The following PPM1H variants were observed in gnomAD, a reference collection of about 807,000 sequenced individuals.
The protein encoded by PPM1H is protein phosphatase 1H.
Under a neutral mutation model 54.9 loss-of-function variants are expected in PPM1H, and 27 were observed. The ratio of observed to expected loss-of-function variants is 0.49; its 90% CI spans 0.36 to 0.68. The LOEUF (loss-of-function observed/expected upper bound fraction) is 0.68. Among genes scored for constraint, PPM1H ranks in the 30% least tolerant of loss-of-function variants. The pLI is 0.00. For synonymous variants in PPM1H, 305 were observed against 270.8 expected (o/e 1.13, Z -1.24); for missense variants, 596 against 667.8 (o/e 0.89, Z 1.19).
chr12:62,876,330 C>A (rs1870167881), intron 1 of PPM1H, among the ~76,000 whole-genome samples: 1 of 152,184 alleles, frequency 6.6e-6, no homozygotes, highest in Non-Finnish European at 1.5e-5. Flanking sequence ...TCACCCAGAG[C>A]TCTAGCAAAC....
chr12:62,876,724 G>T (rs185554257), intron 1 of PPM1H, among the ~76,000 whole-genome samples: 3 of 152,256 alleles, frequency 2.0e-5, no homozygotes, highest in Non-Finnish European at 4.4e-5. Context: ...ATCATTTGAG[G>T]CTTCCAATGG....
rs114437891 is a variant in PPM1H at position 62,864,940 on chromosome 12, G to A, written c.246-32661C>T. Among the ~76,000 whole-genome samples, 984 of 152,268 alleles carry A rather than the reference G, an allele frequency of 6.5e-3. 11 individuals are homozygous for A. Among genetic ancestry groups the A allele is most frequent in the African/African-American group, 0.023 (943 of 41,546 alleles). Reference sequence around the variant, plus strand: ...ATTTTAGGATTATTACTTTTTAAAGGTGAAGCTTTAAGATGATAATTTGAG... The same window carrying A: ...ATTTTAGGATTATTACTTTTTAAAGATGAAGCTTTAAGATGATAATTTGAG... On this transcript the variant is annotated intron_variant, in intron 1 of 9. Coordinates refer to ENST00000228705, the MANE Select transcript of PPM1H (RefSeq NM_020700.2).
At chr12:62,871,759 G>A (rs7312508) in intron 1 of PPM1H, among the ~76,000 whole-genome samples, 3 of 151,814 alleles carry the variant, frequency 2.0e-5, no homozygotes, top group Non-Finnish European at 2.9e-5. Flanking sequence ...CAAGCAATCC[G>A]CCCTCCTTGG....
At chr12:62,657,034 C>T (rs1025250833) in intron 9 of PPM1H, among the ~76,000 whole-genome samples, 1 of 152,128 alleles carries the variant, frequency 6.6e-6, no homozygotes, top group East Asian at 1.9e-4. Context: ...GCTTCTGTCC[C>T]CTGTCAGGTT....
chr12:62,804,917 C>T lies in PPM1H; in HGVS notation c.412-2757G>A, dbSNP rs185670234. Among the ~76,000 whole-genome samples the T allele has an allele frequency of 6.5e-3, 987 of 151,970 alleles. 13 individuals carry two copies. The highest frequency in any genetic ancestry group is 0.023 in the African/African-American group (935 of 41,470). ...GTCTCGATCTCCTGACCTCGTGATC[C>T]GCCCGCCTCGGCCTCCCAAAGTGCT... On this transcript the variant is annotated intron_variant, in intron 2 of 9. Transcript: ENST00000228705.
chr12:62,803,883 G>GA (rs1214054450), intron 2 of PPM1H, among the ~76,000 whole-genome samples: 1 of 152,212 alleles, frequency 6.6e-6, no homozygotes, highest in Admixed American at 6.5e-5. Flanking sequence ...GCAAGCCGAT[G>GA]AAAAAATGGG....
chr12:62,693,998 C>A lies in PPM1H; in HGVS notation c.1075G>T (p.Ala359Ser). 1.2e-6 allele frequency: 2 copies of A among 1,611,792 alleles called. No individual in the cohort carries two copies. Among genetic ancestry groups the A allele is most frequent in the Non-Finnish European group, 1.7e-6 (2 of 1,179,012 alleles). The change falls in exon 7 of 10, where the codon GCA (alanine) becomes TCA (serine). Residue 359 changes from alanine to serine, a missense_variant and splice_region_variant. This residue lies in a region of PPM1H where 208 missense variants were observed against 259.5 expected (regional missense o/e 0.80). Coordinates refer to ENST00000228705, the MANE Select transcript of PPM1H (RefSeq NM_020700.2). ...LYRDFNMTGW[A>S]YKTIEDEDLK... ...TCCTCATCCTCAATGGTTTTGTATG[C>A]CCTGTAGGGGATAAACAACATTTTA...
chr12:62,879,927 A>G (rs555126540), intron 1 of PPM1H, among the ~76,000 whole-genome samples: 1 of 152,276 alleles, frequency 6.6e-6, no homozygotes, highest in African/African-American at 2.4e-5. Context: ...CTGGGCAACT[A>G]GGGTAGACAG....
In PPM1H at chr12:62,792,572, C is replaced by G. The variant is rs2076706853; in HGVS notation, c.757-4234G>C. ...CACACACTTTAATTACAAGTGTCCT[C>G]TCTGGGATCATGGTGGGAAGGATTT... is the stretch of plus-strand genomic sequence containing the variant. On this transcript the variant is annotated intron_variant, in intron 3 of 9. Coordinates refer to ENST00000228705, the MANE Select transcript of PPM1H (RefSeq NM_020700.2). Among the ~76,000 whole-genome samples the G allele has an allele frequency of 2.0e-5, 3 of 152,220 alleles. No individual in the cohort carries two copies. The South Asian group carries it at 6.2e-4, about 31-fold the overall frequency.
intron 9 of PPM1H, among the ~76,000 whole-genome samples, chr12:62,662,420 A>G (rs2075889764): frequency 6.6e-6 from 1 of 152,376 alleles, no homozygotes; most frequent in Admixed American, 6.5e-5. Context: ...GCTGAATTAT[A>G]TCAGACAATT....
intron 4 of PPM1H, among the ~76,000 whole-genome samples, chr12:62,758,349 T>C (rs1324490093): frequency 6.6e-6 from 1 of 152,232 alleles, no homozygotes; most frequent in Non-Finnish European, 1.5e-5. Context: ...TATCTCAGCA[T>C]GATTCATCTA....
At chr12:62,648,785 C>T in intron 9 of PPM1H, 149 bp from the exon 10 acceptor site, 1 of 891,678 alleles carries the variant, frequency 1.1e-6, no homozygotes, top group Non-Finnish European at 1.7e-6. Flanking sequence ...GTCATCTTTT[C>T]CCAAAATGTA....
chr12:62,724,840 A>G (rs917329683), intron 5 of PPM1H, among the ~76,000 whole-genome samples: 10 of 152,208 alleles, frequency 6.6e-5, no homozygotes, highest in Admixed American at 4.6e-4. Context: ...ACTATTGTAT[A>G]TATTTAATAA....
chr12:62,755,705 C>G, intron 4 of PPM1H: 1 of 689,104 alleles, frequency 1.5e-6, no homozygotes, highest in Non-Finnish European at 2.6e-6. Flanking sequence ...GTGCCTCTGG[C>G]CAAGGTTATC....
intron 1 of PPM1H, chr12:62,840,068 AGAGAGAGAGAGAGAGAGC>A (rs1422362877): frequency 2.3e-5 from 3 of 128,242 alleles, no homozygotes; most frequent in Non-Finnish European, 4.8e-5. Flanking sequence ...AGAGAGAGAG[AGAGAGAGAGAGAGAGAGC>A]GAGAGAAATA....
chr12:62,908,196 C>T (rs1350150603), intron 1 of PPM1H, among the ~76,000 whole-genome samples: 5 of 151,988 alleles, frequency 3.3e-5, no homozygotes, highest in Non-Finnish European at 7.4e-5. Flanking sequence ...GGGCGGATCA[C>T]CTGAGGCCAG....
At chr12:62,851,063 C>T (rs967901415) in intron 1 of PPM1H, among the ~76,000 whole-genome samples, 1 of 152,062 alleles carries the variant, frequency 6.6e-6, no homozygotes. Flanking sequence ...GCTGTCTACT[C>T]AAAGGGCCTG....
At chr12:62,858,932 C>T (rs1215608717) in intron 1 of PPM1H, among the ~76,000 whole-genome samples, 1 of 152,062 alleles carries the variant, frequency 6.6e-6, no homozygotes, top group African/African-American at 2.4e-5. Flanking sequence ...AACCTAAAAC[C>T]CATTTTAAAG....
intron 8 of PPM1H, among the ~76,000 whole-genome samples, chr12:62,681,316 C>A (rs950864858): frequency 6.6e-6 from 1 of 152,204 alleles, no homozygotes. Flanking sequence ...GCTTCATCCT[C>A]TAAATCCAGT....
Sources: gnomAD v4.1 joint callset for allele counts (sites outside exome capture counted in the v4.1 genomes callset) on GRCh38, gnomAD v4.1.1 for gene constraint, gnomAD v4.1.1 regional missense constraint, MANE v1.5 for transcripts, NCBI Gene and HGNC (gene_info 2026-07-23, HGNC 2026-07-21) for gene names.